DOCK3: variants seen among roughly 807,000 people sequenced by gnomAD.
DOCK3 encodes dedicator of cytokinesis protein 3.
In DOCK3, 60 loss-of-function variants were observed where a neutral mutation model predicts 265.6. That is an observed-to-expected ratio of 0.23 (90% CI 0.18 to 0.28). The LOEUF is 0.28. DOCK3 is among the 10% of genes least tolerant of loss of function. The pLI is 1.00. For synonymous variants in DOCK3, 881 were observed against 938.0 expected, an observed-to-expected ratio of 0.94 and a Z score of 1.11; for missense variants, 1,981 against 2,594.3, an observed-to-expected ratio of 0.76 and a Z score of 5.14.
chr3:50,846,369 C>T (rs1270987004), intron 3 of DOCK3, among the ~76,000 whole-genome samples: 2 of 152,238 alleles, frequency 1.3e-5, no homozygotes, highest in South Asian at 2.1e-4. Flanking sequence ...GGGCAACAGT[C>T]TGTGATGAAT....
At chr3:51,309,203 A>G (rs532922671) in intron 27 of DOCK3, among the ~76,000 whole-genome samples, 8 of 152,270 alleles carry the variant, frequency 5.3e-5, no homozygotes, top group Admixed American at 2.6e-4. Flanking sequence ...AGAGGCTGCA[A>G]TCTCGGCACT....
intron 5 of DOCK3, among the ~76,000 whole-genome samples, chr3:51,031,450 G>C (rs774655157): frequency 6.6e-6 from 1 of 152,202 alleles, no homozygotes; most frequent in African/African-American, 2.4e-5. Flanking sequence ...TGGGGAGCAA[G>C]AGGATAAAGG....
At chr3:51,226,537 G>A (rs537490586) in intron 15 of DOCK3, among the ~76,000 whole-genome samples, 111 of 152,312 alleles carry the variant, frequency 7.3e-4, no homozygotes, top group Non-Finnish European at 1.4e-3. Context: ...AAATAGAGGA[G>A]AATGTTGAAA....
chr3:51,345,897 A>T (rs1010550195), intron 38 of DOCK3, among the ~76,000 whole-genome samples: 1 of 152,200 alleles, frequency 6.6e-6, no homozygotes, highest in Non-Finnish European at 1.5e-5. Flanking sequence ...GTGAAATTAT[A>T]TCTGAGATTT....
intron 1 of DOCK3, among the ~76,000 whole-genome samples, chr3:50,722,928 C>T (rs945526058): frequency 6.6e-6 from 1 of 152,052 alleles, no homozygotes; most frequent in African/African-American, 2.4e-5. Flanking sequence ...CATGCCACCA[C>T]ACCCAGCTAA....
chr3:50,789,468 G>A (rs2042352514), intron 2 of DOCK3, among the ~76,000 whole-genome samples: 1 of 152,160 alleles, frequency 6.6e-6, no homozygotes, highest in Non-Finnish European at 1.5e-5. Flanking sequence ...TGGGTAGAAT[G>A]TTCTGTAAAT....
chr3:51,118,872 CA>C (rs1360460111), intron 9 of DOCK3, among the ~76,000 whole-genome samples: 1 of 151,722 alleles, frequency 6.6e-6, no homozygotes. Flanking sequence ...TGTGTTTTTG[CA>C]CATGAGATGG....
At position 51,069,580 on chromosome 3, in the gene DOCK3, G is replaced by A. The variant is rs1434234761; in HGVS notation, c.464+4984G>A. ...TGTGTATATATATGTGTGTATATGT[G>A]TGTGTGTGTGTATATATATATATAA... On this transcript the variant is annotated intron_variant, in intron 6 of 52. Coordinates refer to ENST00000266037, the MANE Select transcript of DOCK3 (RefSeq NM_004947.5). Among the ~76,000 whole-genome samples, 6 of 151,890 alleles carry A rather than the reference G, an allele frequency of 4.0e-5. No individual in the cohort carries two copies. In the South Asian group the frequency reaches 1.0e-3, roughly 26 times the overall value.
intron 9 of DOCK3, among the ~76,000 whole-genome samples, chr3:51,145,695 G>T (rs1181709379): frequency 6.6e-6 from 1 of 152,086 alleles, no homozygotes; most frequent in African/African-American, 2.4e-5. Context: ...GCGACCCAGG[G>T]TAGCCAAAAG....
intron 14 of DOCK3, among the ~76,000 whole-genome samples, chr3:51,221,921 C>G (rs1045599456): frequency 7.2e-5 from 11 of 152,212 alleles, no homozygotes; most frequent in South Asian, 4.1e-4. Context: ...GCCCAGTCCC[C>G]TACTCCTACC....
At chr3:51,343,193 G>C (rs1232029715) in intron 38 of DOCK3, among the ~76,000 whole-genome samples, 2 of 152,328 alleles carry the variant, frequency 1.3e-5, no homozygotes, top group Non-Finnish European at 2.9e-5. Flanking sequence ...GGCAACAAGA[G>C]AAGGGCAAGG....
At chr3:50,829,600 G>A (rs950577767) in intron 2 of DOCK3, among the ~76,000 whole-genome samples, 43 of 152,222 alleles carry the variant, frequency 2.8e-4, no homozygotes, top group African/African-American at 1.0e-3. Context: ...AGGTGAATGA[G>A]GAGCTCACCT....
intron 1 of DOCK3, among the ~76,000 whole-genome samples, chr3:50,767,673 G>T (rs192337880): frequency 5.6e-4 from 85 of 152,254 alleles, no homozygotes; most frequent in Middle Eastern, 6.8e-3. Flanking sequence ...TTGGTAGCTT[G>T]ATGGGGATGG....
At chr3:51,037,763 A>G (rs549574649) in intron 5 of DOCK3, among the ~76,000 whole-genome samples, 4 of 152,298 alleles carry the variant, frequency 2.6e-5, no homozygotes, top group Admixed American at 6.5e-5. Flanking sequence ...CTTAGAAGAC[A>G]GTCTTTAGAA....
intron 23 of DOCK3, among the ~76,000 whole-genome samples, chr3:51,269,188 C>T (rs2080367146): frequency 1.4e-5 from 2 of 145,108 alleles, no homozygotes; most frequent in African/African-American, 5.0e-5. Flanking sequence ...TAATAATATA[C>T]ATATATATGC....
intron 22 of DOCK3, among the ~76,000 whole-genome samples, chr3:51,248,490 C>G (rs935926441): frequency 1.3e-5 from 2 of 152,238 alleles, no homozygotes; most frequent in African/African-American, 2.4e-5. Flanking sequence ...GTGGTTCACT[C>G]AGTGCTCAAT....
rs2086705272 is a variant in DOCK3, at chr3:51,361,101, G to A, written c.5006+469G>A. On this transcript the variant is annotated intron_variant, in intron 47 of 52. Coordinates refer to ENST00000266037, the MANE Select transcript of DOCK3 (RefSeq NM_004947.5). The surrounding 1 kb of genome is among the most constrained non-coding windows in gnomAD (Gnocchi z 4.2). ...TTGGACTTGATCCCAAGGAGAATGA[G>A]GATCACCAAGTCAGTTTTAAGGAAG... Among the ~76,000 whole-genome samples, 1 of 152,100 alleles carries A rather than the reference G, an allele frequency of 6.6e-6. No homozygotes were observed.
intron 24 of DOCK3, among the ~76,000 whole-genome samples, chr3:51,272,300 G>A (rs868449526): frequency 4.9e-5 from 7 of 143,784 alleles, no homozygotes; most frequent in African/African-American, 1.0e-4. Context: ...TTTTTGAGAC[G>A]GAGTCTCGCT....
rs555313324 is a variant in DOCK3, at chr3:50,971,517, C to G, written c.315+37440C>G. On this transcript the variant is annotated intron_variant, in intron 5 of 52. Coordinates refer to ENST00000266037, the MANE Select transcript of DOCK3 (RefSeq NM_004947.5). The stretch of plus-strand genomic sequence containing the variant: ...CACTAGATGTATGAACAGTCTCACT[C>G]CCTCTTGCGGGACCAGGTTGGCGAG... Among the ~76,000 whole-genome samples, 16 of 152,218 alleles carry G rather than the reference C, an allele frequency of 1.1e-4. 1 individual carries two copies. In the South Asian group the frequency reaches 3.1e-3, roughly 30 times the overall value.
Sources: allele counts gnomAD v4.1 joint callset (sites outside exome capture counted in the v4.1 genomes callset), GRCh38; gene constraint gnomAD v4.1.1; non-coding constraint Gnocchi (gnomAD v3.1); transcripts MANE v1.5; gene names NCBI Gene and HGNC (gene_info 2026-07-23, HGNC 2026-07-21).